Variants in ZSCAN5A observed in about 807,000 individuals in gnomAD.
ZSCAN5A encodes zinc finger and SCAN domain containing 5A, also known as zinc finger and SCAN domain-containing protein 5A.
Under a neutral mutation model 23.7 loss-of-function variants are expected in ZSCAN5A, and 12 were observed. The observed-to-expected ratio is 0.51, with a 90% CI of 0.32 to 0.82. The LOEUF is 0.82. ZSCAN5A is among the 40% of genes least tolerant of loss of function. ZSCAN5A has a pLI of 0.03. For synonymous variants in ZSCAN5A, 257 were observed against 239.9 expected, an observed-to-expected ratio of 1.07 and a Z score of -0.66; for missense variants, 597 against 617.9, an observed-to-expected ratio of 0.97 and a Z score of 0.36.
At chr19:56,304,297 G>A (rs145706726) in intron 2 of ZSCAN5A, among the ~76,000 whole-genome samples, 95 of 152,348 alleles carry the variant, frequency 6.2e-4, no homozygotes, top group African/African-American at 2.3e-3. Flanking sequence ...CCAGGGAGAT[G>A]AGCCTGAGAC....
At chr19:56,242,523 T>C (rs1032065552) in intron 2 of ZSCAN5A, among the ~76,000 whole-genome samples, 15 of 152,210 alleles carry the variant, frequency 9.9e-5, no homozygotes, top group African/African-American at 3.4e-4. Context: ...TGTTCTGTAC[T>C]TGCTCAGATT....
intron 2 of ZSCAN5A, among the ~76,000 whole-genome samples, chr19:56,356,261 C>A (rs1210491637): frequency 6.7e-6 from 1 of 148,258 alleles, no homozygotes; most frequent in Non-Finnish European, 1.5e-5. Flanking sequence ...AAGTCTGAGC[C>A]CCGAACAAAG....
chr19:56,319,498 G>GGAAAAAAAAAA (rs752672172), upstream of ZSCAN5A, among the ~76,000 whole-genome samples: 1 of 78,406 alleles, frequency 1.3e-5, no homozygotes, highest in African/African-American at 4.7e-5. Flanking sequence ...TCCATCTCGG[G>GGAAAAAAAAAA]AAAAAAAAAA....
At chr19:56,343,237 T>A in intron 2 of ZSCAN5A, 1 of 826,700 alleles carries the variant, frequency 1.2e-6, no homozygotes, top group Non-Finnish European at 2.0e-6. Context: ...TCTGGTGATG[T>A]CCTTGGCAAC....
At chr19:56,327,655 T>A (rs143227407) in intron 2 of ZSCAN5A, among the ~76,000 whole-genome samples, 1 of 151,478 alleles carries the variant, frequency 6.6e-6, no homozygotes, top group Non-Finnish European at 1.5e-5. Flanking sequence ...GCATATCTTA[T>A]ACTATCTAGG....
chr19:56,290,841 T>C (rs2039461949), intron 2 of ZSCAN5A, among the ~76,000 whole-genome samples: 1 of 152,220 alleles, frequency 6.6e-6, no homozygotes, highest in East Asian at 1.9e-4. Flanking sequence ...CTTCCTCCAG[T>C]AAAAAGTAAG....
At position 56,356,926 on chromosome 19, in the gene ZSCAN5A, G is replaced by A. The variant is rs1453835782; in HGVS notation, c.-358+6309C>T. On this transcript the variant is annotated intron_variant, in intron 2 of 6. Coordinates refer to the ZSCAN5A transcript ENST00000587340. The stretch of plus-strand genomic sequence containing the variant: ...TTCCTTTAGAACTGGTTGTCATGTA[G>A]GTTGTAGGCAATAAAAATTCTCATA... Among the ~76,000 whole-genome samples, 3 of 148,700 alleles carry A rather than the reference G, an allele frequency of 2.0e-5. 1 individual carries two copies. Among genetic ancestry groups the A allele is most frequent in the South Asian group, 2.1e-4 (1 of 4,658 alleles).
intron 2 of ZSCAN5A, among the ~76,000 whole-genome samples, chr19:56,249,322 A>G (rs896400753): frequency 1.3e-5 from 2 of 152,182 alleles, no homozygotes; most frequent in African/African-American, 4.8e-5. Context: ...GGCTGGCTGG[A>G]GTGCAGTCGC....
chr19:56,364,564 A>G (rs1210262461), intron 1 of ZSCAN5A, among the ~76,000 whole-genome samples: 1 of 152,204 alleles, frequency 6.6e-6, no homozygotes, highest in Non-Finnish European at 1.5e-5. Flanking sequence ...AAAAAATTAA[A>G]CACACAACTA....
chr19:56,347,634 G>C (rs1330715721), intron 2 of ZSCAN5A: 1 of 152,154 alleles, frequency 6.6e-6, no homozygotes, highest in Non-Finnish European at 1.5e-5. Context: ...GACTCCTGTA[G>C]CCTTTATGGA....
chr19:56,277,364 A>C (rs977586069), intron 2 of ZSCAN5A, among the ~76,000 whole-genome samples: 2 of 152,192 alleles, frequency 1.3e-5, no homozygotes, highest in African/African-American at 4.8e-5. Flanking sequence ...AAAAAGAAAC[A>C]AAGTTCTGAT....
chr19:56,267,562 G>A (rs1406715496), intron 2 of ZSCAN5A, among the ~76,000 whole-genome samples: 4 of 152,198 alleles, frequency 2.6e-5, no homozygotes, highest in Admixed American at 2.0e-4. Context: ...GCAGCCGCAC[G>A]TGGCTAGTGG....
chr19:56,347,715 T>C (rs1273004983), intron 2 of ZSCAN5A: 3 of 152,236 alleles, frequency 2.0e-5, no homozygotes, highest in African/African-American at 7.2e-5. Context: ...AAGGACAAGT[T>C]TATTACACAA....
chr19:56,277,532 T>G (rs13339749), intron 2 of ZSCAN5A, among the ~76,000 whole-genome samples: 25 of 133,636 alleles, frequency 1.9e-4, no homozygotes, highest in African/African-American at 3.0e-4. Context: ...TTCCAGGGGG[T>G]GAGGGGTGGG....
intron 2 of ZSCAN5A, chr19:56,297,355 TCTC>T (rs1165597667): frequency 1.2e-5 from 2 of 162,728 alleles, no homozygotes; most frequent in Non-Finnish European, 2.6e-5. Flanking sequence ...TCCTTTCTTT[TCTC>T]CTCCTCTTCC....
At chr19:56,325,730 C>CTGTTGTTGT in intron 2 of ZSCAN5A, among the ~76,000 whole-genome samples, 1 of 151,536 alleles carries the variant, frequency 6.6e-6, no homozygotes, top group Admixed American at 6.6e-5. Flanking sequence ...TACTGGTTAT[C>CTGTTGTTGT]TGTTGTTGTT....
chr19:56,270,461 C>G (rs2037769318), intron 2 of ZSCAN5A, among the ~76,000 whole-genome samples: 1 of 151,956 alleles, frequency 6.6e-6, no homozygotes, highest in South Asian at 2.1e-4. Context: ...GCAAGTTGTG[C>G]AAGAAAGATT....
chr19:56,347,960 G>C (rs555677070), intron 2 of ZSCAN5A: 1 of 152,238 alleles, frequency 6.6e-6, no homozygotes, highest in Non-Finnish European at 1.5e-5. Context: ...GATGTGGCAG[G>C]CCAGGGCATT....
chr19:56,353,800 A>G (rs2041684622), intron 2 of ZSCAN5A, among the ~76,000 whole-genome samples: 1 of 151,936 alleles, frequency 6.6e-6, no homozygotes, highest in Non-Finnish European at 1.5e-5. Flanking sequence ...AAAATAAAAT[A>G]AAAAATAAAT....
Sources: gnomAD v4.1 joint callset for allele counts (sites outside exome capture counted in the v4.1 genomes callset) on GRCh38, gnomAD v4.1.1 for gene constraint, MANE v1.5 for transcripts, NCBI Gene and HGNC (gene_info 2026-07-23, HGNC 2026-07-21) for gene names.